Variants in MCC observed in about 807,000 individuals in gnomAD.
MCC encodes MCC regulator of Wnt signaling pathway.
In MCC, 90 loss-of-function variants were observed where a neutral mutation model predicts 116.2. The observed-to-expected ratio is 0.77, with a 90% CI of 0.65 to 0.92. MCC has a LOEUF of 0.92. MCC is among the 40% of genes least tolerant of loss of function. The probability of loss-of-function intolerance (pLI) is 0.00; values close to 1 mark genes in which losing one functional copy is unlikely to be tolerated. For missense variants in MCC, 1,516 were observed against 1,312.2 expected (o/e 1.16, Z -2.40); for synonymous variants, 578 against 510.5 (o/e 1.13, Z -1.78).
chr5:113,319,432 G>A (rs150451005), intron 3 of MCC, among the ~76,000 whole-genome samples: 116 of 152,280 alleles, frequency 7.6e-4, no homozygotes, highest in African/African-American at 2.7e-3. Flanking sequence ...GTATGATACC[G>A]TCCTATTTGA....
chr5:113,079,506 C>T (rs1399598229), intron 11 of MCC, among the ~76,000 whole-genome samples: 1 of 152,102 alleles, frequency 6.6e-6, no homozygotes, highest in South Asian at 2.1e-4. Flanking sequence ...TAATACCGCA[C>T]ATCTACAACC....
chr5:113,198,493 G>C (rs1157902476), intron 3 of MCC, among the ~76,000 whole-genome samples: 1 of 150,916 alleles, frequency 6.6e-6, no homozygotes, highest in African/African-American at 2.4e-5. Context: ...CCAGGAGTTC[G>C]AGACAAGCCT....
chr5:113,279,297 G>A (rs1200963174), intron 3 of MCC, among the ~76,000 whole-genome samples: 2 of 152,158 alleles, frequency 1.3e-5, no homozygotes, highest in South Asian at 4.1e-4. Context: ...ATTGCAGGCT[G>A]ATTGCTTTGA....
chr5:113,458,712 T>G (rs1164246735), intron 1 of MCC, among the ~76,000 whole-genome samples: 1 of 152,214 alleles, frequency 6.6e-6, no homozygotes, highest in Non-Finnish European at 1.5e-5. Context: ...GCTACTGACC[T>G]GAGCTGCTGA....
intron 13 of MCC, among the ~76,000 whole-genome samples, chr5:113,066,112 G>A (rs1051392265): frequency 3.9e-5 from 6 of 152,142 alleles, no homozygotes; most frequent in Non-Finnish European, 8.8e-5. Context: ...CCCAGTATTA[G>A]GTAAATACAA....
chr5:113,174,673 C>T (rs1375748568), intron 3 of MCC, among the ~76,000 whole-genome samples: 2 of 150,876 alleles, frequency 1.3e-5, no homozygotes, highest in East Asian at 3.9e-4. Context: ...GGTCCAATCA[C>T]AGCTCACTGC....
chr5:113,247,710 G>A (rs913770408), intron 3 of MCC, among the ~76,000 whole-genome samples: 1 of 152,082 alleles, frequency 6.6e-6, no homozygotes. Context: ...AACAAAGGAC[G>A]TCCTAAAGGA....
chr5:113,409,337 C>G (rs751351795), intron 1 of MCC, among the ~76,000 whole-genome samples: 2 of 152,136 alleles, frequency 1.3e-5, no homozygotes, highest in Non-Finnish European at 2.9e-5. Flanking sequence ...TCCACAGATT[C>G]TATTAATAAC....
chr5:113,276,687 T>G (rs1371694664), intron 3 of MCC, among the ~76,000 whole-genome samples: 1 of 152,138 alleles, frequency 6.6e-6, no homozygotes, highest in East Asian at 1.9e-4. Flanking sequence ...AGTACAGTGG[T>G]ACAATCTCGG....
intron 1 of MCC, among the ~76,000 whole-genome samples, chr5:113,465,018 G>A (rs973716622): frequency 6.6e-6 from 1 of 151,574 alleles, no homozygotes; most frequent in South Asian, 2.1e-4. Flanking sequence ...ATTTAGAAAC[G>A]TATCCTATTT....
At chr5:113,438,087 A>G (rs4705821) in intron 1 of MCC, among the ~76,000 whole-genome samples, 45,770 of 152,030 alleles carry the variant, frequency 0.3, 8,919 homozygotes, top group African/African-American at 0.54. Flanking sequence ...TTTCTAATGC[A>G]AAATGCATGA....
chr5:113,223,071 A>G (rs1763608812), intron 3 of MCC, among the ~76,000 whole-genome samples: 1 of 152,196 alleles, frequency 6.6e-6, no homozygotes. Context: ...CCAGGACTTC[A>G]TTGACAGGGA....
chr5:113,347,751 G>A (rs1768169348), intron 2 of MCC, among the ~76,000 whole-genome samples: 1 of 151,724 alleles, frequency 6.6e-6, no homozygotes, highest in Non-Finnish European at 1.5e-5. Context: ...AAATGTAAAT[G>A]AACTAAACTC....
rs1006981845 is a variant in MCC at position 113,043,450 on chromosome 5, T to G, written c.2756+80A>C. 8 of 1,287,442 alleles carry G rather than the reference T, an allele frequency of 6.2e-6. No homozygotes were observed. In the Middle Eastern group the frequency reaches 9.1e-4, roughly 147 times the overall value. 79.8% of individuals were successfully genotyped at this position (1,287,442 alleles called of 1,614,324 possible). ...TGGAACACATCAGCACCTTCTCCTT[T>G]TGGGAGCAGCAAAGAGAACTCAGAA... On this transcript the variant is annotated intron_variant, in intron 17 of 18. Coordinates refer to ENST00000408903, the MANE Select transcript of MCC (RefSeq NM_001085377.2).
In MCC at chr5:113,143,168, T is replaced by C. The variant is rs1455307832; in HGVS notation, c.884+50A>G. 3.9e-6 allele frequency: 6 copies of C among 1,524,400 alleles called. No homozygotes were observed. The African/African-American group carries it at 4.2e-5, about 11-fold the overall frequency. The allele number at this position is 1,524,400 out of a possible 1,614,324, so 94.4% of individuals were successfully genotyped here. A position where few individuals can be genotyped will look rare whatever the true frequency, so the allele number is the denominator to read the frequency against. On this transcript the variant is annotated intron_variant, in intron 5 of 18. Coordinates refer to ENST00000408903, the MANE Select transcript of MCC (RefSeq NM_001085377.2). ...AGTTGGGGCTACTTCAGCTCCAAGA[T>C]GGAGGGTTTAGCAGAAGGGGCAGAG...
intron 2 of MCC, among the ~76,000 whole-genome samples, chr5:113,366,269 GT>G (rs1266821291): frequency 6.6e-6 from 1 of 151,592 alleles, no homozygotes; most frequent in Non-Finnish European, 1.5e-5. Flanking sequence ...TCTGGACACA[GT>G]AAGTGTAATT....
At chr5:113,145,211 C>T (rs567846444) in intron 4 of MCC, among the ~76,000 whole-genome samples, 2 of 152,276 alleles carry the variant, frequency 1.3e-5, no homozygotes, top group Admixed American at 6.5e-5. Flanking sequence ...AGAGTGTGTG[C>T]GTGTGTTCAT....
chr5:113,104,177 G>A lies in MCC; in HGVS notation c.1191+15C>T, dbSNP rs1355387380. 1.3e-6 allele frequency: 2 copies of A among 1,596,858 alleles called. No individual in the cohort carries two copies. The highest frequency in any genetic ancestry group is 1.7e-6 in the Non-Finnish European group (2 of 1,169,510). On this transcript the variant is annotated intron_variant, in intron 7 of 18. Transcript: ENST00000408903. Reference sequence around the variant, plus strand: ...AGAACCTCAAAGGGCCTCACAGAGGGTGAGGAAGGTCTACCTTAATAGCCA... The same window carrying A: ...AGAACCTCAAAGGGCCTCACAGAGGATGAGGAAGGTCTACCTTAATAGCCA...
At chr5:113,205,915 T>C (rs2150321170) in intron 3 of MCC, among the ~76,000 whole-genome samples, 1 of 152,290 alleles carries the variant, frequency 6.6e-6, no homozygotes, top group Non-Finnish European at 1.5e-5. Context: ...TATAGAAGGC[T>C]CCTGAAGCCA....
Sources: gnomAD v4.1 joint callset for allele counts (sites outside exome capture counted in the v4.1 genomes callset) on GRCh38, gnomAD v4.1.1 for gene constraint, MANE v1.5 for transcripts, NCBI Gene and HGNC (gene_info 2026-07-23, HGNC 2026-07-21) for gene names.